DAB2: variants seen among roughly 807,000 people sequenced by gnomAD.
DAB2 encodes DAB adaptor protein 2.
A neutral mutation model predicts 71.6 loss-of-function variants in DAB2; 28 were observed. The ratio of observed to expected loss-of-function variants is 0.39; its 90% CI spans 0.29 to 0.54. The LOEUF (loss-of-function observed/expected upper bound fraction) is 0.54, where lower values mean the gene tolerates loss of function less well. Among genes scored for constraint, DAB2 ranks in the 20% least tolerant of loss-of-function variants. The pLI is 0.68. For synonymous variants in DAB2, 345 were observed against 339.7 expected (o/e 1.02, Z -0.17); for missense variants, 867 against 928.8 (o/e 0.93, Z 0.86).
At chr5:39,400,746 AT>A (rs931338539) in intron 1 of DAB2, among the ~76,000 whole-genome samples, 2 of 152,136 alleles carry the variant, frequency 1.3e-5, no homozygotes, top group Admixed American at 6.5e-5. Flanking sequence ...CACACCATTA[AT>A]TTTTAGCAAG....
At chr5:39,415,758 C>T (rs3849766) in intron 1 of DAB2, among the ~76,000 whole-genome samples, 144,641 of 152,212 alleles carry the variant, frequency 0.95, 68,996 homozygotes, top group African/African-American at 0.99. Flanking sequence ...AAATGTTGGC[C>T]GCATGAAGTG....
chr5:39,381,668 A>T, intron 10 of DAB2, 52 bp from the exon 11 acceptor site: 1 of 1,599,600 alleles, frequency 6.3e-7, no homozygotes, highest in Non-Finnish European at 8.5e-7. Flanking sequence ...TAACAGTGAA[A>T]TACAGCCTCA....
chr5:39,417,506 T>G (rs912529173), intron 1 of DAB2: 1 of 152,156 alleles, frequency 6.6e-6, no homozygotes, highest in East Asian at 1.9e-4. Flanking sequence ...TTTTCTCTTC[T>G]TACCTTTGCT....
intron 7 of DAB2, 92 bp downstream of exon 7, chr5:39,389,005 A>G: frequency 7.4e-7 from 1 of 1,353,826 alleles, no homozygotes; most frequent in Non-Finnish European, 1.1e-6. Flanking sequence ...ACATAGTAAT[A>G]AGCGAGGTGG....
Position 39,382,870 on chromosome 5 carries a change from T to A in DAB2, c.1089A>T (p.Pro363=). Reference sequence around the variant, plus strand: ...GGGTTTGCGAACTTGAAAAGGGCCATGGGCCTGCCTGAGCTTCCTGTTTGC... The same window carrying A: ...GGGTTTGCGAACTTGAAAAGGGCCAAGGGCCTGCCTGAGCTTCCTGTTTGC... The part of the protein sequence containing the change: ...RTGKQEAQAG[P]WPFSSSQTQP... Residue 363 remains proline, a synonymous_variant, in exon 10 of 15, where the codon CCA becomes CCT. Transcript: ENST00000320816. 1 of 1,614,156 alleles carries A rather than the reference T, an allele frequency of 6.2e-7. No individual in the cohort carries two copies. Among genetic ancestry groups the A allele is most frequent in the Non-Finnish European group, 8.5e-7 (1 of 1,180,024 alleles).
intron 1 of DAB2, among the ~76,000 whole-genome samples, chr5:39,408,061 T>C (rs1166036644): frequency 6.6e-6 from 1 of 152,234 alleles, no homozygotes; most frequent in Non-Finnish European, 1.5e-5. Context: ...CATATTTATA[T>C]AATCCTCAAA....
chr5:39,402,570 C>A (rs1055903261), intron 1 of DAB2, among the ~76,000 whole-genome samples: 1 of 152,158 alleles, frequency 6.6e-6, no homozygotes, highest in Non-Finnish European at 1.5e-5. Context: ...GCATCAGCCA[C>A]CACACCTGGC....
At chr5:39,390,318 T>C in intron 5 of DAB2, 126 bp downstream of exon 5, 1 of 1,210,904 alleles carries the variant, frequency 8.3e-7, no homozygotes, top group Non-Finnish European at 1.2e-6. Flanking sequence ...AAAATAGTCA[T>C]TCTCGGAATT....
At chr5:39,401,157 A>G (rs1488267306) in intron 1 of DAB2, among the ~76,000 whole-genome samples, 1 of 152,206 alleles carries the variant, frequency 6.6e-6, no homozygotes, top group Non-Finnish European at 1.5e-5. Flanking sequence ...AGCAGACAGT[A>G]AGATTTTTAC....
rs542511284 is a variant in DAB2, at chr5:39,404,417, TA to T, written c.-101-9997del. 4.6e-4 allele frequency among the ~76,000 whole-genome samples: 42 copies of T among 90,624 alleles called. No homozygotes were observed. In the South Asian group the frequency reaches 7.7e-3, roughly 17 times the overall value. The allele number at this position is 90,624 out of a possible 152,430, so 59.5% of individuals were successfully genotyped here. On this transcript the variant is annotated intron_variant, in intron 1 of 14. Coordinates refer to ENST00000320816, the MANE Select transcript of DAB2 (RefSeq NM_001343.4). ...AATAAAAAAAAAGAAAAAGTAAAAT[TA>T]AAAAAATAAATAAATAAAAAATAAA...
rs1755201331 is a variant in DAB2 at position 39,390,482 on chromosome 5, C to T, written c.424G>A (p.Gly142Ser). The T allele has an allele frequency of 3.7e-6, 6 of 1,614,056 alleles. No homozygotes were observed. The highest frequency in any genetic ancestry group is 1.3e-5 in the African/African-American group (1 of 75,004). Reference sequence around the variant, plus strand: ...TTTATGGCAAAAAACTGATGCTGGCCTTCTCCTCCACACACGTAACCAAAT... The same window carrying T: ...TTTATGGCAAAAAACTGATGCTGGCTTTCTCCTCCACACACGTAACCAAAT... ...RAFGYVCGGE[G>S]QHQFFAIKTG... The change falls in exon 5 of 15, where the codon GGC (glycine) becomes AGC (serine). Residue 142 changes from glycine (G) to serine (S), a missense_variant. Coordinates refer to ENST00000320816, the MANE Select transcript of DAB2 (RefSeq NM_001343.4).
At chr5:39,407,367 T>G (rs565881158) in intron 1 of DAB2, among the ~76,000 whole-genome samples, 79 of 152,238 alleles carry the variant, frequency 5.2e-4, no homozygotes, top group Admixed American at 9.2e-4. Context: ...CTACAGGTGC[T>G]TGCCACACTG....
intron 1 of DAB2, among the ~76,000 whole-genome samples, chr5:39,420,107 T>C (rs1200147325): frequency 6.6e-6 from 1 of 152,214 alleles, no homozygotes; most frequent in Non-Finnish European, 1.5e-5. Flanking sequence ...CAGCTGATGT[T>C]GATGCTGCTG....
chr5:39,374,944 C>A, intron 14 of DAB2, 70 bp downstream of exon 14: 2 of 967,864 alleles, frequency 2.1e-6, no homozygotes, highest in Non-Finnish European at 3.3e-6. Context: ...ATTAAAATTT[C>A]ACTCTTTATT....
Position 39,393,304 on chromosome 5 carries a change from G to A in DAB2, c.181C>T (p.Pro61Ser). 6.2e-7 allele frequency: 1 copy of A among 1,613,722 alleles called. No individual in the cohort carries two copies. Among genetic ancestry groups the A allele is most frequent in the Non-Finnish European group, 8.5e-7 (1 of 1,179,870 alleles). The change falls in exon 3 of 15, where the codon CCA becomes TCA. Residue 61 changes from proline to serine, a missense_variant. This residue lies in a region of DAB2 where 127 missense variants were observed against 194.4 expected (regional missense o/e 0.65). Coordinates refer to ENST00000320816, the MANE Select transcript of DAB2 (RefSeq NM_001343.4). Reference protein sequence around the residue: ...KAKLIGIDDVPDARGDKMSQD... With the variant: ...KAKLIGIDDVSDARGDKMSQD... ...CTCATTTTATCCCCTCTTGCATCTGGCACATCATCAATGCCAATCAGCTTG... is the reference window on the plus strand; with the variant it reads ...CTCATTTTATCCCCTCTTGCATCTGACACATCATCAATGCCAATCAGCTTG...
chr5:39,404,460 T>TA (rs574569850), intron 1 of DAB2, among the ~76,000 whole-genome samples: 2,215 of 127,212 alleles, frequency 0.017, 50 homozygotes, highest in African/African-American at 0.057. Context: ...TATTATTATC[T>TA]AAAAAAAAAA....
At chr5:39,395,937 C>CTTTTTTTGTTTTTT (rs1755356720) in intron 1 of DAB2, among the ~76,000 whole-genome samples, 1 of 74,858 alleles carries the variant, frequency 1.3e-5, no homozygotes, top group Admixed American at 2.2e-4. Flanking sequence ...CACAGATATT[C>CTTTTTTTGTTTTTT]TTTTTTTTTT....
At chr5:39,384,925 T>C (rs1448817983) in intron 9 of DAB2, among the ~76,000 whole-genome samples, 1 of 151,940 alleles carries the variant, frequency 6.6e-6, no homozygotes, top group Non-Finnish European at 1.5e-5. Flanking sequence ...CAAGGGAATA[T>C]AAAATTTGCA....
At chr5:39,390,696 T>G in intron 4 of DAB2, 121 bp from the exon 5 acceptor site, 2 of 636,830 alleles carry the variant, frequency 3.1e-6, no homozygotes, top group East Asian at 3.0e-5. Context: ...CATTTGAAGA[T>G]AGACTTTTCA....
Sources: allele counts gnomAD v4.1 joint callset (sites outside exome capture counted in the v4.1 genomes callset), GRCh38; gene constraint gnomAD v4.1.1; regional missense constraint gnomAD v4.1.1; transcripts MANE v1.5; gene names NCBI Gene and HGNC (gene_info 2026-07-23, HGNC 2026-07-21).